MYO1D: variants seen among roughly 807,000 people sequenced by gnomAD.
The protein encoded by MYO1D is unconventional myosin-Id.
MYO1D carries 83 observed loss-of-function variants against 122.0 expected under a neutral mutation model. The ratio of observed to expected loss-of-function variants is 0.68; its 90% CI spans 0.57 to 0.82. The LOEUF (loss-of-function observed/expected upper bound fraction) is 0.82. Ranked by LOEUF, MYO1D falls within the 40% of genes least tolerant of loss-of-function variation. The pLI, the probability that MYO1D is intolerant of heterozygous loss-of-function variation, is 0.00. For synonymous variants in MYO1D, 464 were observed against 446.9 expected (o/e 1.04, Z -0.48); for missense variants, 1,157 against 1,269.5 (o/e 0.91, Z 1.35).
chr17:32,551,175 C>A (rs148686265), intron 21 of MYO1D, among the ~76,000 whole-genome samples: 1 of 152,056 alleles, frequency 6.6e-6, no homozygotes, highest in East Asian at 1.9e-4. Flanking sequence ...GGGTGGGGAG[C>A]CTGTAGAATT....
intron 19 of MYO1D, among the ~76,000 whole-genome samples, chr17:32,649,661 C>T (rs1157402372): frequency 1.3e-5 from 2 of 151,352 alleles, no homozygotes; most frequent in East Asian, 3.9e-4. Flanking sequence ...AACCTCCACC[C>T]CCCGGGTTCA....
chr17:32,681,108 C>G (rs1287545540), intron 16 of MYO1D, among the ~76,000 whole-genome samples: 5 of 152,130 alleles, frequency 3.3e-5, no homozygotes, highest in Non-Finnish European at 7.4e-5. Flanking sequence ...TCCCCTTTAT[C>G]ATTTTTTATT....
At chr17:32,560,521 G>A (rs1319827433) in intron 21 of MYO1D, among the ~76,000 whole-genome samples, 1 of 68,234 alleles carries the variant, frequency 1.5e-5, no homozygotes. Context: ...GTAATACCCA[G>A]AGACAACATA....
At chr17:32,750,642 T>A (rs1197287710) in intron 11 of MYO1D, among the ~76,000 whole-genome samples, 2 of 151,972 alleles carry the variant, frequency 1.3e-5, no homozygotes, top group African/African-American at 4.8e-5. Context: ...AATAAATAAA[T>A]TTTCCTAGGG....
Position 32,710,369 on chromosome 17 carries a change from T to C in MYO1D, c.2121+1619A>G, listed in dbSNP as rs540614505. On this transcript the variant is annotated intron_variant, in intron 16 of 21. Transcript: ENST00000318217. Reference sequence around the variant, plus strand: ...AGGGCAGATTGCTTAGTAGATGATATTGAGAAAACTTTCTCACCATATGGA... The same window carrying C: ...AGGGCAGATTGCTTAGTAGATGATACTGAGAAAACTTTCTCACCATATGGA... Among the ~76,000 whole-genome samples, 13 of 152,290 alleles carry C rather than the reference T, an allele frequency of 8.5e-5. No homozygotes were observed. The East Asian group carries it at 2.3e-3, about 27-fold the overall frequency.
chr17:32,544,515 G>C (rs1389720516), intron 21 of MYO1D, among the ~76,000 whole-genome samples: 2 of 152,192 alleles, frequency 1.3e-5, no homozygotes, highest in Admixed American at 6.5e-5. Flanking sequence ...CCAAAAATGA[G>C]TAGGATTGGG....
intron 21 of MYO1D, among the ~76,000 whole-genome samples, chr17:32,561,206 C>A (rs557920341): frequency 1.3e-5 from 2 of 152,224 alleles, no homozygotes; most frequent in South Asian, 4.1e-4. Context: ...CCACAAAGCC[C>A]AGTCTAGCTG....
intron 13 of MYO1D, among the ~76,000 whole-genome samples, chr17:32,743,817 A>G (rs1192820448): frequency 1.3e-5 from 2 of 151,728 alleles, no homozygotes; most frequent in African/African-American, 4.8e-5. Flanking sequence ...ACGGGGTTTC[A>G]CCATGTTAGC....
intron 16 of MYO1D, among the ~76,000 whole-genome samples, chr17:32,710,785 C>T (rs1182759086): frequency 6.6e-6 from 1 of 152,046 alleles, no homozygotes; most frequent in Non-Finnish European, 1.5e-5. Flanking sequence ...AGACAGTTTA[C>T]AGGAAAATAC....
At chr17:32,651,700 G>A (rs1477858020) in intron 19 of MYO1D, among the ~76,000 whole-genome samples, 16 of 141,112 alleles carry the variant, frequency 1.1e-4, no homozygotes, top group Admixed American at 2.9e-4. Flanking sequence ...TTTTTTAGAC[G>A]GAGTCTTGTT....
At chr17:32,731,943 G>T (rs893241953) in intron 14 of MYO1D, among the ~76,000 whole-genome samples, 5 of 152,238 alleles carry the variant, frequency 3.3e-5, no homozygotes, top group African/African-American at 9.6e-5. Flanking sequence ...TGGATGTGCT[G>T]CTCCCAACGT....
intron 16 of MYO1D, among the ~76,000 whole-genome samples, chr17:32,695,489 G>A (rs2089160524): frequency 6.6e-6 from 1 of 152,144 alleles, no homozygotes; most frequent in Non-Finnish European, 1.5e-5. Flanking sequence ...GACTTCTAAT[G>A]TTTCCTTGAC....
intron 16 of MYO1D, among the ~76,000 whole-genome samples, chr17:32,693,924 G>A (rs1446058906): frequency 6.6e-6 from 1 of 152,202 alleles, no homozygotes; most frequent in East Asian, 1.9e-4. Flanking sequence ...TTAAGTTGTT[G>A]CTGAAGCATT....
At position 32,767,772 on chromosome 17, in the gene MYO1D, A is replaced by C. The variant is rs746888302; in HGVS notation, c.715-20T>G. The C allele has an allele frequency of 4.6e-6, 7 of 1,516,184 alleles. No homozygotes were observed. The South Asian group carries it at 6.8e-5, about 15-fold the overall frequency. 93.9% of individuals were successfully genotyped at this position (1,516,184 alleles called of 1,614,324 possible). On this transcript the variant is annotated intron_variant, in intron 6 of 21. Transcript: ENST00000318217. ...AGAAGACTGGGGATGAAAATGAAAA[A>C]CTGAAGTTACAGATATTTCCTATGA...
At chr17:32,602,658 C>A (rs1258827348) in intron 21 of MYO1D, 2 of 152,174 alleles carry the variant, frequency 1.3e-5, no homozygotes. Context: ...CTGGTTCTTG[C>A]CTCAGCCTTG....
intron 14 of MYO1D, among the ~76,000 whole-genome samples, chr17:32,736,313 A>G: frequency 6.6e-6 from 1 of 152,204 alleles, no homozygotes; most frequent in East Asian, 1.9e-4. Context: ...GCTGACCAGA[A>G]TGAAAATGTC....
intron 10 of MYO1D, 103 bp downstream of exon 10, chr17:32,760,187 G>T: frequency 1.0e-6 from 1 of 1,004,346 alleles, no homozygotes; most frequent in Non-Finnish European, 1.6e-6. Flanking sequence ...AGGTTCAGAT[G>T]TTTCAAATAC....
chr17:32,620,082 A>G (rs2087834836), intron 20 of MYO1D, among the ~76,000 whole-genome samples: 1 of 152,164 alleles, frequency 6.6e-6, no homozygotes, highest in Non-Finnish European at 1.5e-5. Flanking sequence ...GCCCCTCAAC[A>G]TGGCTTCCAT....
intron 21 of MYO1D, among the ~76,000 whole-genome samples, chr17:32,580,388 T>C (rs1431199804): frequency 6.9e-6 from 1 of 144,290 alleles, no homozygotes; most frequent in East Asian, 2.0e-4. Flanking sequence ...TTTTTTTTTT[T>C]CAGTTTGTTT....
Sources: gnomAD v4.1 joint callset for allele counts (sites outside exome capture counted in the v4.1 genomes callset) on GRCh38, gnomAD v4.1.1 for gene constraint, MANE v1.5 for transcripts, NCBI Gene and HGNC (gene_info 2026-07-23, HGNC 2026-07-21) for gene names.